AMD1: variants seen among roughly 807,000 people sequenced by gnomAD.
AMD1 encodes S-adenosylmethionine decarboxylase proenzyme.
AMD1 carries 11 observed loss-of-function variants against 40.2 expected under a neutral mutation model. The observed-to-expected ratio is 0.27, with a 90% CI of 0.17 to 0.45. The LOEUF is 0.45. AMD1 is among the 20% of genes least tolerant of loss of function. The probability of loss-of-function intolerance (pLI) is 1.00; values close to 1 mark genes in which losing one functional copy is unlikely to be tolerated. For synonymous variants in AMD1, 121 were observed against 130.8 expected (o/e 0.93, Z 0.51); for missense variants, 257 against 410.2 (o/e 0.63, Z 3.23).
upstream of AMD1, among the ~76,000 whole-genome samples, chr6:110,870,167 A>C (rs1285627322): frequency 6.6e-6 from 1 of 152,232 alleles, no homozygotes; most frequent in Non-Finnish European, 1.5e-5. Context: ...GGTATGGAGA[A>C]CCCTGATTGT....
At chr6:110,858,278 C>T in the AMD1 span, 1 of 958,354 alleles carries the variant, frequency 1.0e-6, no homozygotes, top group Non-Finnish European at 1.7e-6. Context: ...CTCGTACGGG[C>T]TGTCAGCCGA....
chr6:110,880,266 C>T (rs1217867663), intron 1 of AMD1, among the ~76,000 whole-genome samples: 2 of 152,050 alleles, frequency 1.3e-5, no homozygotes, highest in African/African-American at 2.4e-5. Context: ...GTAGGTGTGT[C>T]TTTTGCTTTG....
At chr6:110,827,316 T>C in the AMD1 span, among the ~76,000 whole-genome samples, 1 of 151,960 alleles carries the variant, frequency 6.6e-6, no homozygotes, top group Non-Finnish European at 1.5e-5. Flanking sequence ...TTTTTTTGTT[T>C]GTTTGTTTTT....
In AMD1 at chr6:110,874,988, G is replaced by A; in HGVS notation, c.-118G>A. 1.3e-5 allele frequency: 9 copies of A among 674,310 alleles called. No homozygotes were observed. Among genetic ancestry groups the A allele is most frequent in the East Asian group, 3.0e-5 (1 of 33,668 alleles). 41.8% of individuals were successfully genotyped at this position (674,310 alleles called of 1,614,324 possible). On this transcript the variant is annotated 5_prime_UTR_variant, in exon 1 of 9. Coordinates refer to ENST00000368885, the MANE Select transcript of AMD1 (RefSeq NM_001634.6). Reference sequence around the variant, plus strand: ...ATAAAATTATAGCAAAAAAAAAAAGGAACCTGAACTTTAGTAACACAGCTG... The same window carrying A: ...ATAAAATTATAGCAAAAAAAAAAAGAAACCTGAACTTTAGTAACACAGCTG...
chr6:110,814,926 C>T, the AMD1 span: 5 of 1,575,034 alleles, frequency 3.2e-6, no homozygotes, highest in East Asian at 7.2e-5. Context: ...CACGGCCCGA[C>T]TGGGATCCGA....
intron 1 of AMD1, among the ~76,000 whole-genome samples, chr6:110,885,982 C>T (rs555721142): frequency 1.3e-5 from 2 of 152,240 alleles, no homozygotes; most frequent in South Asian, 2.1e-4. Flanking sequence ...CGGCTGGGCA[C>T]GGTGGCTCAT....
chr6:110,883,499 T>G (rs532550210), intron 1 of AMD1, among the ~76,000 whole-genome samples: 1 of 152,358 alleles, frequency 6.6e-6, no homozygotes, highest in African/African-American at 2.4e-5. Flanking sequence ...TTGCTTTTGT[T>G]TTGTTCTATT....
intron 1 of AMD1, among the ~76,000 whole-genome samples, chr6:110,885,437 T>G (rs190798813): frequency 1.3e-5 from 2 of 152,018 alleles, no homozygotes; most frequent in East Asian, 3.9e-4. Flanking sequence ...TTTGTTTTGT[T>G]TGTTTGTTTT....
the AMD1 span, among the ~76,000 whole-genome samples, chr6:110,839,107 T>C: frequency 6.6e-6 from 1 of 152,194 alleles, no homozygotes; most frequent in African/African-American, 2.4e-5. Flanking sequence ...TGTATATCTC[T>C]AGTATTATAA....
chr6:110,857,624 G>A, the AMD1 span, among the ~76,000 whole-genome samples: 3 of 135,368 alleles, frequency 2.2e-5, no homozygotes, highest in Admixed American at 7.4e-5. Context: ...TATATAGGTG[G>A]TATATATATA....
the AMD1 span, chr6:110,814,806 G>C: frequency 2.8e-6 from 2 of 705,306 alleles, no homozygotes; most frequent in South Asian, 3.1e-5. Flanking sequence ...CTGCGCCGCG[G>C]GAGTTCGAGG....
chr6:110,836,526 T>C, the AMD1 span, among the ~76,000 whole-genome samples: 1 of 152,146 alleles, frequency 6.6e-6, no homozygotes, highest in East Asian at 1.9e-4. Context: ...TCATTTAGAG[T>C]ATTTCCCAAA....
At chr6:110,863,875 T>C in the AMD1 span, 6 of 460,438 alleles carry the variant, frequency 1.3e-5, no homozygotes, top group Admixed American at 1.2e-4. Flanking sequence ...CAAGAACAAA[T>C]AAAGAGGGCA....
chr6:110,860,968 G>A, the AMD1 span, among the ~76,000 whole-genome samples: 2 of 151,922 alleles, frequency 1.3e-5, no homozygotes, highest in Non-Finnish European at 2.9e-5. Flanking sequence ...GCTCAGGCCT[G>A]TAATCTCAGC....
intron 1 of AMD1, among the ~76,000 whole-genome samples, chr6:110,878,319 C>T (rs970600251): frequency 6.6e-6 from 1 of 152,168 alleles, no homozygotes. Flanking sequence ...TTTAAACAAA[C>T]TTGGCTCATC....
chr6:110,883,037 T>C (rs896884193), intron 1 of AMD1, among the ~76,000 whole-genome samples: 3 of 152,088 alleles, frequency 2.0e-5, no homozygotes, highest in Non-Finnish European at 4.4e-5. Context: ...GGTGGGAGGA[T>C]CTCTTTGAGC....
chr6:110,822,965 A>G, the AMD1 span, among the ~76,000 whole-genome samples: 1 of 152,158 alleles, frequency 6.6e-6, no homozygotes, highest in South Asian at 2.1e-4. Flanking sequence ...AAAATACAAA[A>G]GTTAGCTGGG....
At position 110,892,720 on chromosome 6, in the gene AMD1, T is replaced by TA; in HGVS notation, c.616-15_616-14insA. 6.6e-7 allele frequency: 1 copy of TA among 1,511,568 alleles called. No homozygotes were observed. The highest frequency in any genetic ancestry group is 8.8e-7 in the Non-Finnish European group (1 of 1,131,368). 93.6% of individuals were successfully genotyped at this position (1,511,568 alleles called of 1,614,324 possible). A position where few individuals can be genotyped will look rare whatever the true frequency, so the allele number is the denominator to read the frequency against. ...TGTCAAACCCTTGTTAAACTCGGTCTTTTTCCCCCCCCAGGAGAGTGGAAT... is the reference window on the plus strand; with the variant it reads ...TGTCAAACCCTTGTTAAACTCGGTCTATTTTCCCCCCCCAGGAGAGTGGAAT... On this transcript the variant is annotated splice_polypyrimidine_tract_variant and intron_variant, in intron 6 of 8. Coordinates refer to ENST00000368885, the MANE Select transcript of AMD1 (RefSeq NM_001634.6).
intron 1 of AMD1, among the ~76,000 whole-genome samples, chr6:110,882,982 G>A (rs901842457): frequency 6.6e-6 from 1 of 152,108 alleles, no homozygotes; most frequent in Non-Finnish European, 1.5e-5. Context: ...TATTAGTAAG[G>A]TGTAGTGATA....
Sources: allele counts gnomAD v4.1 joint callset (sites outside exome capture counted in the v4.1 genomes callset), GRCh38; gene constraint gnomAD v4.1.1; transcripts MANE v1.5; gene names NCBI Gene and HGNC (gene_info 2026-07-23, HGNC 2026-07-21).